Variants in CEP290 observed in about 807,000 individuals in gnomAD.
The protein encoded by CEP290 is centrosomal protein 290.
Under a neutral mutation model 344.9 loss-of-function variants are expected in CEP290, and 317 were observed. The ratio of observed to expected loss-of-function variants is 0.92; its 90% CI spans 0.84 to 1.01. The LOEUF (loss-of-function observed/expected upper bound fraction) is 1.01, where lower values mean the gene tolerates loss of function less well. Among genes scored for constraint, CEP290 ranks in the 50% least tolerant of loss-of-function variants. CEP290 has a pLI of 0.00. For synonymous variants in CEP290, 932 were observed against 895.8 expected (o/e 1.04, Z -0.72); for missense variants, 2,754 against 2,761.4 (o/e 1.00, Z 0.06).
chr12:88,128,902 A>T, intron 11 of CEP290, 44 bp downstream of exon 11: 1 of 1,228,276 alleles, frequency 8.1e-7, no homozygotes, highest in Non-Finnish European at 1.1e-6. Context: ...TTTAAATCTA[A>T]AATACAAAAA....
chr12:88,078,244 A>G lies in CEP290; in HGVS notation c.5365-326T>C, dbSNP rs2035931693. On this transcript the variant is annotated intron_variant, in intron 39 of 53. Transcript: ENST00000552810. ...TAAACAAACAAGTATATAACAATAT[A>G]TATGACAACGTTTTAAACACTATGA... 2.0e-5 allele frequency among the ~76,000 whole-genome samples: 3 copies of G among 152,168 alleles called. No individual in the cohort carries two copies. The South Asian group carries it at 6.2e-4, about 31-fold the overall frequency.
At position 88,129,038 on chromosome 12, in the gene CEP290, A is replaced by G; in HGVS notation, c.853-3T>C. 1 of 1,395,956 alleles carries G rather than the reference A, an allele frequency of 7.2e-7. No individual in the cohort carries two copies. Among genetic ancestry groups the G allele is most frequent in the Non-Finnish European group, 9.3e-7 (1 of 1,079,598 alleles). The allele number at this position is 1,395,956 out of a possible 1,614,324, so 86.5% of individuals were successfully genotyped here. A position where few individuals can be genotyped will look rare whatever the true frequency, so the allele number is the denominator to read the frequency against. On this transcript the variant is annotated splice_region_variant and splice_polypyrimidine_tract_variant and intron_variant, in intron 10 of 53. Coordinates refer to ENST00000552810, the MANE Select transcript of CEP290 (RefSeq NM_025114.4). Reference sequence around the variant, plus strand: ...AGAAGATCTGTAAGCTCCTGCACCTAAAAGACAAAGTTATTTCAAGAGTTG... The same window carrying G: ...AGAAGATCTGTAAGCTCCTGCACCTGAAAGACAAAGTTATTTCAAGAGTTG...
intron 53 of CEP290, chr12:88,049,673 A>C (rs769991891): frequency 6.3e-5 from 18 of 284,568 alleles, no homozygotes; most frequent in Non-Finnish European, 8.4e-5. Flanking sequence ...TTATAATGGG[A>C]CTTAATCTTT....
intron 29 of CEP290, among the ~76,000 whole-genome samples, chr12:88,092,254 C>T (rs1376792400): frequency 6.6e-6 from 1 of 152,086 alleles, no homozygotes; most frequent in Non-Finnish European, 1.5e-5. Context: ...TAAATGTAAA[C>T]TAAATCAAAA....
chr12:88,118,249 CTTTT>C (rs1210447299), intron 17 of CEP290, among the ~76,000 whole-genome samples: 2 of 151,712 alleles, frequency 1.3e-5, no homozygotes, highest in African/African-American at 2.4e-5. Context: ...AGGTTTTTTT[CTTTT>C]TTGTTTGCTT....
chr12:88,051,513 T>C (rs1219183194), intron 52 of CEP290, among the ~76,000 whole-genome samples: 1 of 152,160 alleles, frequency 6.6e-6, no homozygotes, highest in Non-Finnish European at 1.5e-5. Flanking sequence ...GGTATAAATA[T>C]CTTAAAAGTT....
At chr12:88,141,554 T>C (rs1483295849) in intron 1 of CEP290, among the ~76,000 whole-genome samples, 1 of 152,088 alleles carries the variant, frequency 6.6e-6, no homozygotes, top group Non-Finnish European at 1.5e-5. Context: ...TGTGACGGCT[T>C]CCTTGCTAAC....
chr12:88,073,615 T>A (rs910485518), intron 41 of CEP290, among the ~76,000 whole-genome samples: 1 of 152,106 alleles, frequency 6.6e-6, no homozygotes, highest in East Asian at 1.9e-4. Context: ...GAATGTTGAA[T>A]CTGAAAGGGT....
intron 6 of CEP290, among the ~76,000 whole-genome samples, chr12:88,134,862 C>T (rs528330499): frequency 8.5e-5 from 13 of 152,290 alleles, no homozygotes; most frequent in African/African-American, 2.4e-4. Flanking sequence ...ACCTCTAGGT[C>T]TTAGCAAATG....
chr12:88,107,366 T>C (rs936221524), intron 23 of CEP290, among the ~76,000 whole-genome samples: 7 of 152,084 alleles, frequency 4.6e-5, no homozygotes, highest in African/African-American at 1.7e-4. Context: ...ATAATATAAT[T>C]GAAGCTGAAT....
At chr12:88,127,810 T>C (rs2039824476) in intron 11 of CEP290, among the ~76,000 whole-genome samples, 1 of 152,160 alleles carries the variant, frequency 6.6e-6, no homozygotes, top group African/African-American at 2.4e-5. Context: ...AATTGGAAAC[T>C]TCATAAACTT....
At chr12:88,099,048 C>T (rs996885100) in intron 26 of CEP290, among the ~76,000 whole-genome samples, 2 of 152,168 alleles carry the variant, frequency 1.3e-5, no homozygotes, top group Admixed American at 6.5e-5. Flanking sequence ...AACAATCATT[C>T]TGGCTGCACT....
chr12:88,134,824 G>C (rs1005780010), intron 6 of CEP290, among the ~76,000 whole-genome samples: 1 of 152,148 alleles, frequency 6.6e-6, no homozygotes, highest in African/African-American at 2.4e-5. Context: ...AATAACTGTA[G>C]TTTCCTAAAT....
intron 19 of CEP290, 26 bp from the exon 20 acceptor site, chr12:88,114,588 G>C: frequency 2.0e-6 from 3 of 1,509,586 alleles, no homozygotes; most frequent in Admixed American, 2.3e-5. Context: ...TTTCTCATTG[G>C]ATGATCAGAT....
intron 32 of CEP290, among the ~76,000 whole-genome samples, 157 bp from the exon 33 acceptor site, chr12:88,086,655 G>C (rs1192676595): frequency 6.6e-6 from 1 of 151,852 alleles, no homozygotes; most frequent in African/African-American, 2.4e-5. Flanking sequence ...GAGAGGTGAA[G>C]TAACTTGTGT....
At chr12:88,049,864 GA>G (rs1404615518) in intron 53 of CEP290, 1 of 157,180 alleles carries the variant, frequency 6.4e-6, no homozygotes, top group Admixed American at 6.5e-5. Context: ...TATGATCAGG[GA>G]AACCTTTGGG....
At chr12:88,063,831 T>C (rs2034675676) in intron 45 of CEP290, 150 bp downstream of exon 45, 3 of 639,832 alleles carry the variant, frequency 4.7e-6, no homozygotes, top group Admixed American at 3.9e-5. Context: ...AACAAATAAA[T>C]GCTAAAGAGC....
intron 20 of CEP290, among the ~76,000 whole-genome samples, chr12:88,114,113 G>T (rs2038894062): frequency 6.6e-6 from 1 of 151,992 alleles, no homozygotes; most frequent in South Asian, 2.1e-4. Context: ...AATAAGAAAA[G>T]AGTCAGCAAA....
rs556714437 is a variant in CEP290 at position 88,092,237 on chromosome 12, T to C, written c.3461+444A>G. On this transcript the variant is annotated intron_variant, in intron 29 of 53. Transcript: ENST00000552810. Reference sequence around the variant, plus strand: ...TGCACCGTGACTAGTACATAGTAGATGCCCGATAAATGTAAACTAAATCAA... The same window carrying C: ...TGCACCGTGACTAGTACATAGTAGACGCCCGATAAATGTAAACTAAATCAA... Among the ~76,000 whole-genome samples, 288 of 152,358 alleles carry C rather than the reference T, an allele frequency of 1.9e-3. 1 individual carries two copies. The highest frequency in any genetic ancestry group is 6.3e-3 in the African/African-American group (263 of 41,592).
Sources: gnomAD v4.1 joint callset for allele counts (sites outside exome capture counted in the v4.1 genomes callset) on GRCh38, gnomAD v4.1.1 for gene constraint, MANE v1.5 for transcripts, NCBI Gene and HGNC (gene_info 2026-07-23, HGNC 2026-07-21) for gene names.